HGS: variants seen among roughly 807,000 people sequenced by gnomAD.
HGS encodes the protein human growth factor-regulated tyrosine kinase substrate.
A neutral mutation model predicts 109.7 loss-of-function variants in HGS; 63 were observed. The ratio of observed to expected loss-of-function variants is 0.57; its 90% CI spans 0.47 to 0.71. The LOEUF is 0.71. Among genes scored for constraint, HGS ranks in the 30% least tolerant of loss-of-function variants. The probability of loss-of-function intolerance (pLI) is 0.00; values close to 1 mark genes in which losing one functional copy is unlikely to be tolerated. For synonymous variants in HGS, 546 were observed against 437.3 expected (o/e 1.25, Z -3.10); for missense variants, 995 against 1,068.3 (o/e 0.93, Z 0.96).
At position 81,694,801 on chromosome 17, in the gene HGS, C is replaced by T. The variant is rs1568216680; in HGVS notation, c.937-14C>T. The T allele has an allele frequency of 6.2e-7, 1 of 1,614,220 alleles. No homozygotes were observed. The highest frequency in any genetic ancestry group is 2.2e-5 in the East Asian group (1 of 44,888). On this transcript the variant is annotated splice_polypyrimidine_tract_variant and intron_variant, in intron 11 of 21. Coordinates refer to ENST00000329138, the MANE Select transcript of HGS (RefSeq NM_004712.5). ...TCTGTCACCTGTGAGACTCAGATGC[C>T]CTTTTCTCCCCAGAACTCGTCGGCG...
At chr17:81,689,180 C>G (rs959512046) in intron 5 of HGS, among the ~76,000 whole-genome samples, 1 of 152,202 alleles carries the variant, frequency 6.6e-6, no homozygotes, top group Admixed American at 6.5e-5. Context: ...GAGACTGGAA[C>G]AGAAGCCAGA....
rs2037065254 is a variant in HGS at position 81,691,663 on chromosome 17, A to G, written c.662+92A>G. ...CTTGGCCATGGTGCCTGAGGCCTGC[A>G]GACCCCAGAGGACCCTCACAGCACA... On this transcript the variant is annotated intron_variant, in intron 8 of 21. Coordinates refer to ENST00000329138, the MANE Select transcript of HGS (RefSeq NM_004712.5). The surrounding 1 kb of genome is among the most constrained non-coding windows in gnomAD (Gnocchi z 5.3). The G allele has an allele frequency of 2.0e-6, 3 of 1,517,060 alleles. No individual in the cohort carries two copies. The highest frequency in any genetic ancestry group is 4.5e-5 in the East Asian group (2 of 44,030). 94.0% of individuals were successfully genotyped at this position (1,517,060 alleles called of 1,614,324 possible).
At chr17:81,696,177 C>T in intron 15 of HGS, 178 bp downstream of exon 15, 1 of 877,966 alleles carries the variant, frequency 1.1e-6, no homozygotes, top group South Asian at 1.8e-5. Flanking sequence ...CCTGCCCTGC[C>T]CTGCCCTGCC....
In HGS at chr17:81,686,315, A is replaced by G; in HGVS notation, c.126A>G (p.Ala42=). Residue 42 remains alanine, a synonymous_variant, in exon 3 of 22, where the codon GCA becomes GCG. Coordinates refer to ENST00000329138, the MANE Select transcript of HGS (RefSeq NM_004712.5). ...TTTATCAATGTTTCCTTTTCAGAGC[A>G]AAATATGCTGTGAATTCCATCAAGA... is the stretch of plus-strand genomic sequence containing the variant. The part of the protein sequence containing the change: ...CDLIRQGDTQ[A]KYAVNSIKKK... The G allele has an allele frequency of 6.2e-7, 1 of 1,613,236 alleles. No individual in the cohort carries two copies. Among genetic ancestry groups the G allele is most frequent in the Non-Finnish European group, 8.5e-7 (1 of 1,179,622 alleles).
At chr17:81,695,445 C>T (rs1366130652) in intron 14 of HGS, among the ~76,000 whole-genome samples, 2 of 152,240 alleles carry the variant, frequency 1.3e-5, no homozygotes, top group Non-Finnish European at 2.9e-5. Flanking sequence ...CTCTGTGGAC[C>T]TAACATGGAC....
At chr17:81,692,940 G>A (rs928408408) in intron 8 of HGS, 5 of 152,342 alleles carry the variant, frequency 3.3e-5, no homozygotes, top group African/African-American at 1.2e-4. Context: ...GAACCTGAGA[G>A]GCGGAGATTG....
In HGS at chr17:81,694,895, C is replaced by T. The variant is rs181068926; in HGVS notation, c.976-29C>T. On this transcript the variant is annotated intron_variant, in intron 12 of 21. Coordinates refer to ENST00000329138, the MANE Select transcript of HGS (RefSeq NM_004712.5). Reference sequence around the variant, plus strand: ...GGTGCATCCTCTCACGGTTTCTGGCCTTGGGAGTGACCCCCTCATTGCCTG... The same window carrying T: ...GGTGCATCCTCTCACGGTTTCTGGCTTTGGGAGTGACCCCCTCATTGCCTG... The T allele has an allele frequency of 5.4e-4, 869 of 1,614,250 alleles. 2 individuals are homozygous for T. The highest frequency in any genetic ancestry group is 7.3e-4 in the Non-Finnish European group (857 of 1,180,042).
intron 20 of HGS, 83 bp downstream of exon 20, chr17:81,700,897 GCACTGGGTGGGCTC>G (rs2037227443): frequency 6.4e-7 from 1 of 1,561,662 alleles, no homozygotes; most frequent in Non-Finnish European, 8.8e-7. Context: ...AGGCTGGCAG[GCACTGGGTGGGCTC>G]CACCCCTTCT....
chr17:81,690,358 A>T, intron 6 of HGS, 124 bp downstream of exon 6: 1 of 1,014,316 alleles, frequency 9.9e-7, no homozygotes, highest in South Asian at 1.4e-5. Flanking sequence ...GGACCTGAGG[A>T]TGCCTGTGTG....
At chr17:81,694,684 G>C in intron 11 of HGS, 131 bp from the exon 12 acceptor site, 2 of 1,030,014 alleles carry the variant, frequency 1.9e-6, no homozygotes. Context: ...CCAGGAACCA[G>C]AGGAGGGCAC....
In HGS at chr17:81,691,464, T is replaced by C. The variant is rs2037063188; in HGVS notation, c.555T>C (p.Cys185=). Residue 185 remains cysteine, a synonymous_variant, in exon 8 of 22, where the codon TGT becomes TGC. Coordinates refer to ENST00000329138, the MANE Select transcript of HGS (RefSeq NM_004712.5). The surrounding 1 kb of genome is among the most constrained non-coding windows in gnomAD (Gnocchi z 5.3). ...TCTTACAGCACCACTGCCGGGCGTG[T>C]GGGCAGATATTCTGTGGAAAGTGTT... ...VMTRKHHCRA[C]GQIFCGKCSS... is the part of the protein sequence containing the mutation. 6.2e-7 allele frequency: 1 copy of C among 1,613,920 alleles called. No individual in the cohort carries two copies. Among genetic ancestry groups the C allele is most frequent in the Non-Finnish European group, 8.5e-7 (1 of 1,179,990 alleles).
At position 81,691,287 on chromosome 17, in the gene HGS, T is replaced by C; in HGVS notation, c.538-160T>C. 2 of 817,326 alleles carry C rather than the reference T, an allele frequency of 2.4e-6. No individual in the cohort carries two copies. Among genetic ancestry groups the C allele is most frequent in the South Asian group, 3.2e-5 (2 of 62,010 alleles). The allele number at this position is 817,326 out of a possible 1,614,324, so 50.6% of individuals were successfully genotyped here. On this transcript the variant is annotated intron_variant, in intron 7 of 21. Coordinates refer to ENST00000329138, the MANE Select transcript of HGS (RefSeq NM_004712.5). This position sits in a 1 kb window ranked among gnomAD's most constrained non-coding sequence, Gnocchi z 5.3. ...GAGACTCCCGGGAGCATGTCCAGGTTCCCCGGCCTTAGGGTCTTCCCAGGC... is the reference window on the plus strand; with the variant it reads ...GAGACTCCCGGGAGCATGTCCAGGTCCCCCGGCCTTAGGGTCTTCCCAGGC...
At position 81,696,690 on chromosome 17, in the gene HGS, G is replaced by A. The variant is rs746115952; in HGVS notation, c.1650G>A (p.Gln550=). 2 of 1,611,272 alleles carry A rather than the reference G, an allele frequency of 1.2e-6. No homozygotes were observed. Among genetic ancestry groups the A allele is most frequent in the African/African-American group, 2.7e-5 (2 of 74,940 alleles). ...EKERQMRLEQ[Q]KQTVQMRAQM... is the part of the protein sequence containing the mutation. ...AGCGGCAGATGCGGCTGGAGCAGCA[G>A]AAGCAGACGGTCCAGATGCGCGCGC... The change falls in exon 17 of 22, where the codon CAG becomes CAA. Residue 550 remains glutamine (Q), a synonymous_variant. Coordinates refer to ENST00000329138, the MANE Select transcript of HGS (RefSeq NM_004712.5).
rs974582363 is a variant in HGS at position 81,701,833 on chromosome 17, A to G, written c.*215A>G. Reference sequence around the variant, plus strand: ...TGCTTTCTTTCCCCAGGGCTGGGCCATGGGGAGGGAAGGACTTTCTCCCAG... The same window carrying G: ...TGCTTTCTTTCCCCAGGGCTGGGCCGTGGGGAGGGAAGGACTTTCTCCCAG... On this transcript the variant is annotated 3_prime_UTR_variant, in exon 22 of 22. Coordinates refer to ENST00000329138, the MANE Select transcript of HGS (RefSeq NM_004712.5). 6.3e-6 allele frequency: 4 copies of G among 634,644 alleles called. No individual in the cohort carries two copies. The Admixed American group carries it at 1.1e-4, about 18-fold the overall frequency. 39.3% of individuals were successfully genotyped at this position (634,644 alleles called of 1,614,324 possible). A position where few individuals can be genotyped will look rare whatever the true frequency, so the allele number is the denominator to read the frequency against.
chr17:81,685,015 T>G, intron 1 of HGS: 1 of 985,402 alleles, frequency 1.0e-6, no homozygotes, highest in South Asian at 4.7e-5. Flanking sequence ...GAGCTGGAGC[T>G]GCCCCCCCAG....
At position 81,696,729 on chromosome 17, in the gene HGS, C is replaced by T. The variant is rs1177388501; in HGVS notation, c.1689C>T (p.Phe563=). The change falls in exon 17 of 22, where the codon TTC becomes TTT. Residue 563 remains phenylalanine, a synonymous_variant. Transcript: ENST00000329138. ...TVQMRAQMPA[F]PLPYAQLQAM... The stretch of plus-strand genomic sequence containing the variant: ...AGATGCGCGCGCAGATGCCCGCCTT[C>T]CCCCTGCCCTACGCCCAGGCATGTG... The T allele has an allele frequency of 3.1e-6, 5 of 1,607,256 alleles. No individual in the cohort carries two copies. Among genetic ancestry groups the T allele is most frequent in the Middle Eastern group, 3.3e-4 (2 of 6,044 alleles).
In HGS at chr17:81,700,531, G is replaced by A; in HGVS notation, c.1947G>A (p.Gln649=). The change falls in exon 19 of 22, where the codon CAG becomes CAA. Residue 649 remains glutamine (Q), a synonymous_variant. Coordinates refer to ENST00000329138, the MANE Select transcript of HGS (RefSeq NM_004712.5). ...AGATGAQAAP[Q]AQAGPTASPA... ...CCACTGGGGCGCAGGCGGCCCCCCA[G>A]GCCCAGGCCGGACCCACCGCCAGCC... The A allele has an allele frequency of 6.2e-7, 1 of 1,609,796 alleles. No homozygotes were observed.
chr17:81,685,048 C>G, intron 1 of HGS: 2 of 985,360 alleles, frequency 2.0e-6, no homozygotes, highest in Non-Finnish European at 2.4e-6. Context: ...TTGGAGACAG[C>G]AGTGATGTGG....
chr17:81,696,515 C>A lies in HGS; in HGVS notation c.1552C>A (p.Arg518=), dbSNP rs754179047. ...GCTGGCCCAGAAGCTGGAGATAATG[C>A]GGCAGAAGAAGCAGGTGCAGTGGCT... ...IQLAQKLEIM[R]QKKQEYLEVQ... The change falls in exon 16 of 22, where the codon CGG becomes AGG. Residue 518 remains arginine (R), a synonymous_variant. Transcript: ENST00000329138. 6.5e-7 allele frequency: 1 copy of A among 1,528,366 alleles called. No individual in the cohort carries two copies. Among genetic ancestry groups the A allele is most frequent in the Non-Finnish European group, 8.8e-7 (1 of 1,135,866 alleles). 94.7% of individuals were successfully genotyped at this position (1,528,366 alleles called of 1,614,324 possible). A position where few individuals can be genotyped will look rare whatever the true frequency, so the allele number is the denominator to read the frequency against.
Sources: allele counts gnomAD v4.1 joint callset (sites outside exome capture counted in the v4.1 genomes callset), GRCh38; gene constraint gnomAD v4.1.1; non-coding constraint Gnocchi (gnomAD v3.1); transcripts MANE v1.5; gene names NCBI Gene and HGNC (gene_info 2026-07-23, HGNC 2026-07-21).